NR3C1: variants seen among roughly 807,000 people sequenced by gnomAD.
The protein encoded by NR3C1 is nuclear receptor subfamily 3 group C member 1.
A neutral mutation model predicts 74.0 loss-of-function variants in NR3C1; 14 were observed. That is an observed-to-expected ratio of 0.19 (90% CI 0.12 to 0.30). The LOEUF (loss-of-function observed/expected upper bound fraction) is 0.30, where lower values mean the gene tolerates loss of function less well. Ranked by LOEUF, NR3C1 falls within the 10% of genes least tolerant of loss-of-function variation. The pLI, the probability that NR3C1 is intolerant of heterozygous loss-of-function variation, is 1.00. For synonymous variants in NR3C1, 308 were observed against 332.5 expected (o/e 0.93, Z 0.80); for missense variants, 695 against 909.8 (o/e 0.76, Z 3.04).
chr5:143,304,427 A>G (rs140263883), intron 4 of NR3C1, among the ~76,000 whole-genome samples: 1 of 152,308 alleles, frequency 6.6e-6, no homozygotes, highest in African/African-American at 2.4e-5. Flanking sequence ...AACAAATGGA[A>G]TAACATTCCA....
upstream of NR3C1, chr5:143,404,565 A>G: frequency 1.0e-6 from 1 of 953,862 alleles, no homozygotes; most frequent in Middle Eastern, 5.3e-4. Flanking sequence ...CGGCGGCAGA[A>G]GGAGGCGCCG....
chr5:143,295,005 A>C (rs1816859403), intron 7 of NR3C1: 2 of 985,294 alleles, frequency 2.0e-6, no homozygotes, highest in African/African-American at 1.7e-5. Context: ...TGCTATGTTA[A>C]CCAATCCCCA....
chr5:143,424,418 C>T (rs1292103629), intron 1 of NR3C1, among the ~76,000 whole-genome samples: 3 of 151,956 alleles, frequency 2.0e-5, no homozygotes, highest in Admixed American at 6.6e-5. Context: ...TGACGGATAT[C>T]CCAGTTACCC....
Position 143,360,161 on chromosome 5 carries a change from A to G in NR3C1, c.1184+39495T>C, listed in dbSNP as rs562644960. On this transcript the variant is annotated intron_variant, in intron 2 of 8. Transcript: ENST00000394464. Reference sequence around the variant, plus strand: ...CTACTTGGTTGTCAAAAAAAGCCACATTTTACACACACATGATTAAAGAAT... The same window carrying G: ...CTACTTGGTTGTCAAAAAAAGCCACGTTTTACACACACATGATTAAAGAAT... 2.6e-5 allele frequency among the ~76,000 whole-genome samples: 4 copies of G among 152,366 alleles called. No homozygotes were observed. In the East Asian group the frequency reaches 7.7e-4, roughly 29 times the overall value.
chr5:143,359,021 A>G (rs1831718284), intron 2 of NR3C1, among the ~76,000 whole-genome samples: 1 of 152,238 alleles, frequency 6.6e-6, no homozygotes. Flanking sequence ...CTGCATAGGA[A>G]GCAATCAGTA....
At chr5:143,292,902 G>A (rs1297660490) in intron 7 of NR3C1, among the ~76,000 whole-genome samples, 4 of 152,140 alleles carry the variant, frequency 2.6e-5, no homozygotes, top group Non-Finnish European at 5.9e-5. Context: ...TTCTCTGAGG[G>A]ATCTAAGAAA....
chr5:143,398,330 A>G (rs1438913251), intron 2 of NR3C1, among the ~76,000 whole-genome samples: 1 of 150,822 alleles, frequency 6.6e-6, no homozygotes, highest in Non-Finnish European at 1.5e-5. Context: ...GTTCACATTA[A>G]GACATGTAAG....
intron 2 of NR3C1, among the ~76,000 whole-genome samples, chr5:143,362,681 T>A (rs565624588): frequency 6.6e-6 from 1 of 152,170 alleles, no homozygotes; most frequent in South Asian, 2.1e-4. Context: ...AATTAATTAT[T>A]TGGTTTACCT....
intron 2 of NR3C1, chr5:143,333,103 T>C (rs1316034900): frequency 5.0e-6 from 8 of 1,594,212 alleles, no homozygotes; most frequent in Non-Finnish European, 5.9e-6. Context: ...TTCCAGGAGA[T>C]CTCATGGTTC....
intron 4 of NR3C1, 142 bp downstream of exon 4, chr5:143,309,955 G>A (rs1820548859): frequency 3.0e-6 from 2 of 676,942 alleles, no homozygotes; most frequent in African/African-American, 1.8e-5. Flanking sequence ...ATTTTTATTG[G>A]GCAGTAACAT....
At chr5:143,312,253 C>T (rs932369392) in intron 3 of NR3C1, among the ~76,000 whole-genome samples, 3 of 152,210 alleles carry the variant, frequency 2.0e-5, no homozygotes, top group South Asian at 2.1e-4. Flanking sequence ...CCTTTCCGTC[C>T]TTTACCAAGA....
chr5:143,428,858 CA>C (rs1751670629), intron 1 of NR3C1, among the ~76,000 whole-genome samples: 2 of 152,178 alleles, frequency 1.3e-5, no homozygotes, highest in Non-Finnish European at 2.9e-5. Flanking sequence ...GACTACCACC[CA>C]CTCCCCACCA....
rs942914630 is a variant in NR3C1, at chr5:143,428,616, A to G, written c.-14+5916T>C. ...ACACAGCACATCCCTTTGTTTAAGT[A>G]TTGCCTATGGCTGCTTTCACACTGC... is the stretch of plus-strand genomic sequence containing the variant. On this transcript the variant is annotated intron_variant, in intron 1 of 8. Coordinates refer to the NR3C1 transcript ENST00000343796. Among the ~76,000 whole-genome samples the G allele has an allele frequency of 2.6e-5, 4 of 152,296 alleles. No homozygotes were observed. In the Middle Eastern group the frequency reaches 0.01, roughly 389 times the overall value.
intron 2 of NR3C1, among the ~76,000 whole-genome samples, chr5:143,322,973 G>A (rs958066590): frequency 2.0e-5 from 3 of 152,154 alleles, no homozygotes; most frequent in Admixed American, 2.0e-4. Context: ...ATAATCTTAG[G>A]TACAGGACTC....
At chr5:143,367,236 C>T (rs958888757) in intron 2 of NR3C1, among the ~76,000 whole-genome samples, 31 of 152,042 alleles carry the variant, frequency 2.0e-4, no homozygotes, top group African/African-American at 7.0e-4. Flanking sequence ...AAAAAGAAAA[C>T]ACTCAACAAA....
intron 2 of NR3C1, among the ~76,000 whole-genome samples, chr5:143,372,258 G>A (rs546959567): frequency 6.6e-6 from 1 of 152,222 alleles, no homozygotes; most frequent in Admixed American, 6.5e-5. Flanking sequence ...GCAATTTACA[G>A]CTTCTCTTTG....
At chr5:143,422,302 T>C (rs1751278438) in intron 1 of NR3C1, among the ~76,000 whole-genome samples, 1 of 152,220 alleles carries the variant, frequency 6.6e-6, no homozygotes, top group Non-Finnish European at 1.5e-5. Context: ...TAGTGTTTAT[T>C]TGAGAGACAG....
At chr5:143,340,480 T>C (rs1827981884) in intron 2 of NR3C1, among the ~76,000 whole-genome samples, 1 of 139,436 alleles carries the variant, frequency 7.2e-6, no homozygotes, top group Admixed American at 7.1e-5. Context: ...AAGATGATTT[T>C]TTTTTTTTTT....
intron 7 of NR3C1, chr5:143,294,171 G>A: frequency 8.1e-6 from 8 of 984,768 alleles, no homozygotes; most frequent in Non-Finnish European, 8.4e-6. Flanking sequence ...GATATGAAAT[G>A]ATTAAATAAA....
Sources: allele counts gnomAD v4.1 joint callset (sites outside exome capture counted in the v4.1 genomes callset), GRCh38; gene constraint gnomAD v4.1.1; transcripts MANE v1.5; gene names NCBI Gene and HGNC (gene_info 2026-07-23, HGNC 2026-07-21).